The following USP43 variants were observed in gnomAD, a reference collection of about 807,000 sequenced individuals.
The protein encoded by USP43 is ubiquitin carboxyl-terminal hydrolase 43.
In USP43, 33 loss-of-function variants were observed where a neutral mutation model predicts 90.7. The ratio of observed to expected loss-of-function variants is 0.36; its 90% CI spans 0.28 to 0.49. The LOEUF (loss-of-function observed/expected upper bound fraction) is 0.49, where lower values mean the gene tolerates loss of function less well. USP43 is among the 20% of genes least tolerant of loss of function. USP43 has a pLI of 0.98. For synonymous variants in USP43, 598 were observed against 615.8 expected, an observed-to-expected ratio of 0.97 and a Z score of 0.43; for missense variants, 1,274 against 1,476.4, an observed-to-expected ratio of 0.86 and a Z score of 2.25.
In USP43 at chr17:9,681,470, A is replaced by T. The variant is rs1214639940; in HGVS notation, c.1105+1104A>T. Among the ~76,000 whole-genome samples, 61 of 15,784 alleles carry T rather than the reference A, an allele frequency of 3.9e-3. No individual in the cohort carries two copies. In the African/African-American group the frequency reaches 0.045, roughly 12 times the overall value. 10.4% of individuals were successfully genotyped at this position (15,784 alleles called of 152,430 possible). A position where few individuals can be genotyped will look rare whatever the true frequency, so the allele number is the denominator to read the frequency against. On this transcript the variant is annotated intron_variant, in intron 6 of 14. Transcript: ENST00000285199. ...AATATATATAAAATATATTATATATATATATATATATATATATATATATAT... is the reference window on the plus strand; with the variant it reads ...AATATATATAAAATATATTATATATTTATATATATATATATATATATATAT...
rs1555550104 is a variant in USP43, at chr17:9,681,462, T to TA, written c.1105+1096_1105+1097insA. ...TATAGATAAATATATATAAAATATA[T>TA]TATATATATATATATATATATATAT... On this transcript the variant is annotated intron_variant, in intron 6 of 14. Transcript: ENST00000285199. Among the ~76,000 whole-genome samples, 158 of 18,582 alleles carry TA rather than the reference T, an allele frequency of 8.5e-3. 3 individuals are homozygous for TA. Among genetic ancestry groups the TA allele is most frequent in the Non-Finnish European group, 0.011 (132 of 11,598 alleles). 12.2% of individuals were successfully genotyped at this position (18,582 alleles called of 152,430 possible). A position where few individuals can be genotyped will look rare whatever the true frequency, so the allele number is the denominator to read the frequency against.
Position 9,652,393 on chromosome 17 carries a change from G to T in USP43, c.505-4010G>T, listed in dbSNP as rs370866375. Reference sequence around the variant, plus strand: ...CCTTCTTTTTTTGAGATGGAGTCTCGCTCTGTTGCCCAGGCTGGAGTGCAG... The same window carrying T: ...CCTTCTTTTTTTGAGATGGAGTCTCTCTCTGTTGCCCAGGCTGGAGTGCAG... On this transcript the variant is annotated intron_variant, in intron 1 of 14. Transcript: ENST00000285199. 4.7e-5 allele frequency among the ~76,000 whole-genome samples: 7 copies of T among 148,618 alleles called. 1 individual carries two copies. In the East Asian group the frequency reaches 5.9e-4, roughly 12 times the overall value.
intron 14 of USP43, among the ~76,000 whole-genome samples, chr17:9,723,105 C>A (rs189589195): frequency 3.5e-4 from 53 of 152,318 alleles, no homozygotes; most frequent in African/African-American, 1.3e-3. Context: ...TTGCACGACT[C>A]TTGAGTCGCA....
intron 1 of USP43, 37 bp downstream of exon 1, chr17:9,646,173 T>A: frequency 1.4e-6 from 2 of 1,391,472 alleles, no homozygotes; most frequent in Non-Finnish European, 1.9e-6. Context: ...CCTGTCCCCC[T>A]GGTTTCGCCT....
At chr17:9,682,357 C>T (rs1567661786) in intron 6 of USP43, among the ~76,000 whole-genome samples, 1 of 152,146 alleles carries the variant, frequency 6.6e-6, no homozygotes, top group Non-Finnish European at 1.5e-5. Flanking sequence ...CACTTGAGGT[C>T]AGGAGTTCAA....
rs146377547 is a variant in USP43 at position 9,691,122 on chromosome 17, C to CT, written c.1354-1996dup. On this transcript the variant is annotated intron_variant, in intron 8 of 14. Transcript: ENST00000285199. ...GAATTTCCTTCATTTTTTTTTTTTTCTTTTTTTTTGAGATGGAGCTTCACT... is the reference window on the plus strand; with the variant it reads ...GAATTTCCTTCATTTTTTTTTTTTTCTTTTTTTTTTGAGATGGAGCTTCACT... Among the ~76,000 whole-genome samples the CT allele has an allele frequency of 1.3e-3, 174 of 131,326 alleles. 1 individual carries two copies. The highest frequency in any genetic ancestry group is 2.2e-3 in the Non-Finnish European group (129 of 59,524). 86.2% of individuals were successfully genotyped at this position (131,326 alleles called of 152,430 possible).
chr17:9,680,768 C>T (rs183745994), intron 6 of USP43, among the ~76,000 whole-genome samples: 11 of 152,086 alleles, frequency 7.2e-5, no homozygotes, highest in Admixed American at 6.6e-4. Context: ...TCTTTGCCGT[C>T]AGGATTCCTA....
intron 7 of USP43, among the ~76,000 whole-genome samples, chr17:9,684,115 C>A (rs7219025): frequency 0.28 from 42,366 of 151,302 alleles, 6,577 homozygotes; most frequent in East Asian, 0.63. Flanking sequence ...CCAGCCTGGG[C>A]GACAGATCGA....
chr17:9,676,663 C>G (rs988611852), intron 4 of USP43, 83 bp from the exon 5 acceptor site: 1 of 1,502,692 alleles, frequency 6.7e-7, no homozygotes, highest in African/African-American at 1.4e-5. Context: ...TGAGCCACTG[C>G]GCCTGGCCTT....
At chr17:9,696,251 A>T (rs946687498) in intron 9 of USP43, among the ~76,000 whole-genome samples, 3 of 152,016 alleles carry the variant, frequency 2.0e-5, no homozygotes, top group African/African-American at 7.3e-5. Context: ...CTCCTGCCTC[A>T]GCCTCCCGAG....
At chr17:9,707,676 T>G (rs1915964410) in intron 12 of USP43, among the ~76,000 whole-genome samples, 1 of 151,898 alleles carries the variant, frequency 6.6e-6, no homozygotes, top group African/African-American at 2.4e-5. Context: ...TTAAAATATT[T>G]CATTTTTTAT....
At position 9,704,863 on chromosome 17, in the gene USP43, T is replaced by C. The variant is rs1915788812; in HGVS notation, c.2011+3163T>C. On this transcript the variant is annotated intron_variant, in intron 12 of 14. Transcript: ENST00000285199. ...TGGGCCCTCAAAGCTGAGCTGTTGC[T>C]TTCTATCTCACGTCTTTTGACATAT... Among the ~76,000 whole-genome samples, 3 of 152,222 alleles carry C rather than the reference T, an allele frequency of 2.0e-5. 1 individual carries two copies. The South Asian group carries it at 6.2e-4, about 32-fold the overall frequency.
chr17:9,706,379 TC>T (rs1213208852), intron 12 of USP43, among the ~76,000 whole-genome samples: 2 of 152,224 alleles, frequency 1.3e-5, no homozygotes, highest in African/African-American at 4.8e-5. Context: ...ATCAATCATT[TC>T]TTTTAAGTCT....
chr17:9,664,296 CT>C (rs1386672608), intron 2 of USP43, among the ~76,000 whole-genome samples: 1 of 152,146 alleles, frequency 6.6e-6, no homozygotes, highest in Admixed American at 6.5e-5. Flanking sequence ...TTACTCATAT[CT>C]TTTTTTCCCC....
Position 9,728,400 on chromosome 17 carries a change from A to G in USP43, c.2782A>G (p.Lys928Glu). ...NAGQDIKLPR[K>E]FDLPLTVMPS... Reference sequence around the variant, plus strand: ...AGGGCAGGACATCAAGCTTCCCAGAAAGTTTGACCTGCCTCTCACTGTGAT... The same window carrying G: ...AGGGCAGGACATCAAGCTTCCCAGAGAGTTTGACCTGCCTCTCACTGTGAT... The change falls in exon 15 of 15, where the codon AAG (lysine) becomes GAG (glutamate). Residue 928 changes from lysine (K) to glutamate (E), a missense_variant. This residue lies in a region of USP43 where 353 missense variants were observed against 329.7 expected (regional missense o/e 1.07). Coordinates refer to ENST00000285199, the MANE Select transcript of USP43 (RefSeq NM_153210.5). This position sits in a 1 kb window ranked among gnomAD's most constrained non-coding sequence, Gnocchi z 6.2. 1 of 1,608,894 alleles carries G rather than the reference A, an allele frequency of 6.2e-7. No individual in the cohort carries two copies. Among genetic ancestry groups the G allele is most frequent in the East Asian group, 2.2e-5 (1 of 44,640 alleles).
intron 14 of USP43, among the ~76,000 whole-genome samples, chr17:9,715,977 GTGTC>G (rs1359061523): frequency 1.3e-5 from 2 of 151,542 alleles, no homozygotes; most frequent in Non-Finnish European, 2.9e-5. Context: ...ATATGTGTGT[GTGTC>G]TGTGTTTGTG....
At chr17:9,671,112 C>T (rs1913390835) in intron 3 of USP43, among the ~76,000 whole-genome samples, 1 of 152,174 alleles carries the variant, frequency 6.6e-6, no homozygotes. Context: ...GAGTTTTTGA[C>T]TTTGGCTGGG....
Position 9,701,479 on chromosome 17 carries a change from A to T in USP43, c.1790A>T (p.Glu597Val), listed in dbSNP as rs1915566776. 6.3e-7 allele frequency: 1 copy of T among 1,580,780 alleles called. No homozygotes were observed. The highest frequency in any genetic ancestry group is 8.6e-7 in the Non-Finnish European group (1 of 1,163,456). ...CTCAAAAGGTTCTGCCAGGTGGGCG[A>T]GAGAAGAAACAAGCTCTCCACGCTG... ...IHLKRFCQVG[E>V]RRNKLSTLVK... Residue 597 changes from glutamate (E) to valine (V), a missense_variant, in exon 12 of 15, where the codon GAG (glutamate) becomes GTG (valine). Transcript: ENST00000285199. The surrounding 1 kb of genome is among the most constrained non-coding windows in gnomAD (Gnocchi z 7.2).
chr17:9,701,515 C>A lies in USP43; in HGVS notation c.1826C>A (p.Pro609Gln). Reference sequence around the variant, plus strand: ...AAGCTCTCCACGCTGGTGAAGTTTCCGCTCTCTGGACTCAACATGGCTCCC... The same window carrying A: ...AAGCTCTCCACGCTGGTGAAGTTTCAGCTCTCTGGACTCAACATGGCTCCC... Reference protein sequence around the residue: ...RNKLSTLVKFPLSGLNMAPHV... With the variant: ...RNKLSTLVKFQLSGLNMAPHV... Residue 609 changes from proline to glutamine, a missense_variant, in exon 12 of 15, where the codon CCG (proline) becomes CAG (glutamine). This residue lies in a region of USP43 where 285 missense variants were observed against 349.6 expected (regional missense o/e 0.82). Coordinates refer to ENST00000285199, the MANE Select transcript of USP43 (RefSeq NM_153210.5). The surrounding 1 kb of genome is among the most constrained non-coding windows in gnomAD (Gnocchi z 7.2). 6.4e-7 allele frequency: 1 copy of A among 1,566,820 alleles called. No homozygotes were observed. Among genetic ancestry groups the A allele is most frequent in the South Asian group, 1.2e-5 (1 of 84,994 alleles).
Sources: allele counts gnomAD v4.1 joint callset (sites outside exome capture counted in the v4.1 genomes callset), GRCh38; gene constraint gnomAD v4.1.1; regional missense constraint gnomAD v4.1.1; non-coding constraint Gnocchi (gnomAD v3.1); transcripts MANE v1.5; gene names NCBI Gene and HGNC (gene_info 2026-07-23, HGNC 2026-07-21).